RNPC3: variants seen among roughly 807,000 people sequenced by gnomAD.
RNPC3 encodes RNA binding region (RNP1, RRM) containing 3, also known as RNA-binding region-containing protein 3.
A neutral mutation model predicts 67.5 loss-of-function variants in RNPC3; 48 were observed. The ratio of observed to expected loss-of-function variants is 0.71; its 90% confidence interval spans 0.56 to 0.90. RNPC3 has a LOEUF of 0.90. Among genes scored for constraint, RNPC3 ranks in the 40% least tolerant of loss-of-function variants. RNPC3 has a pLI of 0.00. For synonymous variants in RNPC3, 239 were observed against 210.3 expected (o/e 1.14, Z -1.18); for missense variants, 637 against 626.1 (o/e 1.02, Z -0.19).
chr1:103,548,199 G>T (rs1457270364), intron 12 of RNPC3, among the ~76,000 whole-genome samples: 1 of 152,168 alleles, frequency 6.6e-6, no homozygotes, highest in East Asian at 1.9e-4. Flanking sequence ...TTTTCTTGGG[G>T]ATTAACATTG....
Position 103,544,976 on chromosome 1 carries a change from G to C in RNPC3, c.1081G>C (p.Gly361Arg). The C allele has an allele frequency of 6.5e-7, 1 of 1,532,176 alleles. No homozygotes were observed. The highest frequency in any genetic ancestry group is 8.7e-7 in the Non-Finnish European group (1 of 1,144,030). The allele number at this position is 1,532,176 out of a possible 1,614,324, so 94.9% of individuals were successfully genotyped here. ...PATEVDASNIGFGKIFPKPNL... is the reference protein window; with the variant it reads ...PATEVDASNIRFGKIFPKPNL... Reference sequence around the variant, plus strand: ...TACTGAAGTTGATGCATCCAATATAGGATTTGGAAAAATCTTCCCCAAACC... The same window carrying C: ...TACTGAAGTTGATGCATCCAATATACGATTTGGAAAAATCTTCCCCAAACC... The change falls in exon 10 of 15, where the codon GGA becomes CGA. Residue 361 changes from glycine to arginine, a missense_variant. Around this residue, in one of 3 missense-constraint regions of RNPC3, gnomAD observed 536 missense variants for 500.3 expected, o/e 1.07. Transcript: ENST00000423855.
At chr1:103,531,876 T>C (rs946884097) in intron 2 of RNPC3, among the ~76,000 whole-genome samples, 2 of 152,182 alleles carry the variant, frequency 1.3e-5, no homozygotes, top group African/African-American at 4.8e-5. Context: ...CATTTGCTTT[T>C]GGGTTCTTGG....
chr1:103,547,119 C>A, intron 12 of RNPC3, 84 bp downstream of exon 12: 1 of 732,338 alleles, frequency 1.4e-6, no homozygotes, highest in Non-Finnish European at 2.1e-6. Context: ...CCATCATTTT[C>A]CTTTTAGAGA....
At chr1:103,529,308 A>G (rs1464302001) in intron 2 of RNPC3, among the ~76,000 whole-genome samples, 1 of 152,210 alleles carries the variant, frequency 6.6e-6, no homozygotes, top group Non-Finnish European at 1.5e-5. Flanking sequence ...ATACATTGTA[A>G]ATAAAGTATG....
chr1:103,526,757 C>T (rs550716698), intron 1 of RNPC3, among the ~76,000 whole-genome samples: 2 of 152,224 alleles, frequency 1.3e-5, no homozygotes, highest in South Asian at 2.1e-4. Flanking sequence ...TAAAAATTTC[C>T]CGATGACATC....
At chr1:103,530,479 G>A (rs1650822586) in intron 2 of RNPC3, among the ~76,000 whole-genome samples, 1 of 152,160 alleles carries the variant, frequency 6.6e-6, no homozygotes, top group South Asian at 2.1e-4. Context: ...CTGTCACGTT[G>A]TTCAAGGAAG....
intron 8 of RNPC3, among the ~76,000 whole-genome samples, chr1:103,542,240 G>A (rs1396827562): frequency 6.6e-6 from 1 of 152,022 alleles, no homozygotes; most frequent in Non-Finnish European, 1.5e-5. Flanking sequence ...ATTTGAAAAG[G>A]TTGTAAGAGA....
intron 3 of RNPC3, 45 bp from the exon 4 acceptor site, chr1:103,534,729 C>T: frequency 9.2e-7 from 1 of 1,083,222 alleles, no homozygotes; most frequent in Non-Finnish European, 1.3e-6. Flanking sequence ...TGCAGTTTTT[C>T]ACCCTTTGGA....
intron 2 of RNPC3, among the ~76,000 whole-genome samples, chr1:103,529,669 G>A (rs1049965321): frequency 6.6e-6 from 1 of 152,198 alleles, no homozygotes; most frequent in Non-Finnish European, 1.5e-5. Flanking sequence ...GATAATCAAG[G>A]CTTCACTGAT....
At position 103,525,930 on chromosome 1, in the gene RNPC3, G is replaced by A; in HGVS notation, c.-141G>A. ...TTCGGTGGCGCAGTTCTCGCGAGAAGGTGACTTTCTTTCTCGGTATTTCCT... is the reference window on the plus strand; with the variant it reads ...TTCGGTGGCGCAGTTCTCGCGAGAAAGTGACTTTCTTTCTCGGTATTTCCT... On this transcript the variant is annotated 5_prime_UTR_variant, in exon 1 of 15. Transcript: ENST00000423855. 4.3e-6 allele frequency: 3 copies of A among 689,922 alleles called. No homozygotes were observed. Among genetic ancestry groups the A allele is most frequent in the Admixed American group, 6.0e-5 (2 of 33,102 alleles). 42.7% of individuals were successfully genotyped at this position (689,922 alleles called of 1,614,324 possible).
At chr1:103,535,478 G>A in intron 5 of RNPC3, 37 bp downstream of exon 5, 2 of 1,266,878 alleles carry the variant, frequency 1.6e-6, no homozygotes, top group South Asian at 1.3e-5. Context: ...AGGACTTGTT[G>A]TATAGCTTGA....
intron 2 of RNPC3, among the ~76,000 whole-genome samples, chr1:103,530,240 CAATA>C (rs759510540): frequency 6.6e-6 from 1 of 151,934 alleles, no homozygotes; most frequent in East Asian, 1.9e-4. Context: ...GGGAGACAGA[CAATA>C]AATAATAAAC....
rs754576785 is a variant in RNPC3 at position 103,551,088 on chromosome 1, C to T, written c.1494+15C>T. 5 of 1,578,120 alleles carry T rather than the reference C, an allele frequency of 3.2e-6. No homozygotes were observed. The highest frequency in any genetic ancestry group is 4.3e-6 in the Non-Finnish European group (5 of 1,161,712). Reference sequence around the variant, plus strand: ...CCATGGTGGTTGTATCCTTTAAATCCATCTATTTCAAAACTATATAATTTT... The same window carrying T: ...CCATGGTGGTTGTATCCTTTAAATCTATCTATTTCAAAACTATATAATTTT... On this transcript the variant is annotated intron_variant, in intron 13 of 14. Transcript: ENST00000423855.
rs1651170025 is a variant in RNPC3 at position 103,543,352 on chromosome 1, G to A, written c.950G>A (p.Gly317Asp). ...SDVFDQPQPV[G>D]NKRIEFHIST... ...GTATTTGACCAACCACAACCTGTAG[G>A]TAACAAAAGAATTGAATTCCATATA... is the stretch of plus-strand genomic sequence containing the variant. The change falls in exon 9 of 15, where the codon GGT (glycine) becomes GAT (aspartate). Residue 317 changes from glycine to aspartate, a missense_variant. Coordinates refer to ENST00000423855, the MANE Select transcript of RNPC3 (RefSeq NM_017619.4). The A allele has an allele frequency of 1.5e-5, 23 of 1,514,040 alleles. No homozygotes were observed. Among genetic ancestry groups the A allele is most frequent in the Non-Finnish European group, 2.0e-5 (23 of 1,136,886 alleles). 93.8% of individuals were successfully genotyped at this position (1,514,040 alleles called of 1,614,324 possible).
At chr1:103,548,059 C>G (rs1413007397) in intron 12 of RNPC3, among the ~76,000 whole-genome samples, 3 of 152,122 alleles carry the variant, frequency 2.0e-5, no homozygotes, top group Admixed American at 6.5e-5. Flanking sequence ...CACAGAGCAC[C>G]AAGTCCCTAG....
chr1:103,546,132 A>G (rs1432255002), intron 10 of RNPC3, 116 bp from the exon 11 acceptor site: 1 of 451,444 alleles, frequency 2.2e-6, no homozygotes, highest in Non-Finnish European at 3.7e-6. Flanking sequence ...AAATTTTAAC[A>G]TTTTCATAAA....
At chr1:103,542,727 A>G (rs1651150574) in intron 8 of RNPC3, among the ~76,000 whole-genome samples, 1 of 151,832 alleles carries the variant, frequency 6.6e-6, no homozygotes, top group South Asian at 2.1e-4. Flanking sequence ...GTGACACTGA[A>G]CAGTAGAAAT....
In RNPC3 at chr1:103,536,183, C is replaced by A. The variant is rs939646611; in HGVS notation, c.613C>A (p.Arg205=). Residue 205 remains arginine (R), a synonymous_variant, in exon 6 of 15, where the codon CGA becomes AGA. Coordinates refer to ENST00000423855, the MANE Select transcript of RNPC3 (RefSeq NM_017619.4). ...LPTPFGPITA[R]PPMYEDYMPL... The stretch of plus-strand genomic sequence containing the variant: ...CACACCTTTTGGACCAATTACTGCG[C>A]GACCTCCCATGGTAAGAAAACTCTT... 2.6e-6 allele frequency: 4 copies of A among 1,535,042 alleles called. No individual in the cohort carries two copies. Among genetic ancestry groups the A allele is most frequent in the Non-Finnish European group, 2.6e-6 (3 of 1,145,250 alleles).
In RNPC3 at chr1:103,551,784, T is replaced by G. The variant is rs1395676687; in HGVS notation, c.*4T>G. ...GGAAGGAAAAAGAAAGTGTTAAAAA[T>G]TAATAAAGGTAAGTGTGAATAAAAC... On this transcript the variant is annotated 3_prime_UTR_variant, in exon 14 of 15. Coordinates refer to ENST00000423855, the MANE Select transcript of RNPC3 (RefSeq NM_017619.4). The G allele has an allele frequency of 6.8e-7, 1 of 1,464,670 alleles. No homozygotes were observed. The highest frequency in any genetic ancestry group is 2.5e-5 in the East Asian group (1 of 39,884). 90.7% of individuals were successfully genotyped at this position (1,464,670 alleles called of 1,614,324 possible).
Sources: gnomAD v4.1 joint callset for allele counts (sites outside exome capture counted in the v4.1 genomes callset) on GRCh38, gnomAD v4.1.1 for gene constraint, gnomAD v4.1.1 regional missense constraint, MANE v1.5 for transcripts, NCBI Gene and HGNC (gene_info 2026-07-23, HGNC 2026-07-21) for gene names.